The following CYTH3 variants were observed in gnomAD, a reference collection of about 807,000 sequenced individuals.
The protein encoded by CYTH3 is cytohesin 3.
Under a neutral mutation model 55.1 loss-of-function variants are expected in CYTH3, and 23 were observed. The observed-to-expected ratio is 0.42, with a 90% CI of 0.30 to 0.59. The LOEUF is 0.59. CYTH3 is among the 20% of genes least tolerant of loss of function. The probability of loss-of-function intolerance (pLI) is 0.20; values close to 1 mark genes in which losing one functional copy is unlikely to be tolerated. For missense variants in CYTH3, 413 were observed against 524.8 expected (o/e 0.79, Z 2.08); for synonymous variants, 249 against 194.9 (o/e 1.28, Z -2.31).
chr7:6,163,361 G>A lies in CYTH3; in HGVS notation c.*1583C>T, dbSNP rs987704226. ...TGCCCTCCAGAGGGTGCAGATTCAA[G>A]GTGTGTGTGCCTATGCAGGTGGGGC... On this transcript the variant is annotated 3_prime_UTR_variant, in exon 13 of 13. Coordinates refer to ENST00000350796, the MANE Select transcript of CYTH3 (RefSeq NM_004227.4). 3.3e-5 allele frequency: 5 copies of A among 152,572 alleles called. No individual in the cohort carries two copies. The highest frequency in any genetic ancestry group is 1.2e-4 in the African/African-American group (5 of 41,472). The allele number at this position is 152,572 out of a possible 1,614,324, so 9.5% of individuals were successfully genotyped here.
chr7:6,260,015 A>G (rs1182430819), intron 1 of CYTH3, among the ~76,000 whole-genome samples: 2 of 148,676 alleles, frequency 1.3e-5, no homozygotes, highest in Non-Finnish European at 3.0e-5. Flanking sequence ...TTTTTAGTAG[A>G]AACAGGGTTT....
chr7:6,170,805 A>G lies in CYTH3; in HGVS notation c.711+25T>C. 1 of 1,599,640 alleles carries G rather than the reference A, an allele frequency of 6.3e-7. No homozygotes were observed. Among genetic ancestry groups the G allele is most frequent in the Non-Finnish European group, 8.5e-7 (1 of 1,173,094 alleles). ...ACAGCGAAGAGATCCTGCAGACGGC[A>G]GCGGCCGCGGGCCGGGGAGCTCACC... On this transcript the variant is annotated intron_variant, in intron 8 of 12. Transcript: ENST00000350796. This position sits in a 1 kb window ranked among gnomAD's most constrained non-coding sequence, Gnocchi z 7.8.
intron 1 of CYTH3, among the ~76,000 whole-genome samples, chr7:6,202,719 A>C (rs545966931): frequency 1.3e-5 from 2 of 152,178 alleles, no homozygotes; most frequent in African/African-American, 4.8e-5. Context: ...TTGGCCTCCC[A>C]AAGTGCTGGG....
chr7:6,201,232 G>T (rs1784053002), intron 1 of CYTH3, among the ~76,000 whole-genome samples: 1 of 152,206 alleles, frequency 6.6e-6, no homozygotes, highest in Non-Finnish European at 1.5e-5. Context: ...ACATCCAGGT[G>T]GGTAACAGGG....
intron 4 of CYTH3, among the ~76,000 whole-genome samples, 160 bp downstream of exon 4, chr7:6,186,890 C>T (rs1402731191): frequency 6.6e-6 from 1 of 152,228 alleles, no homozygotes. Flanking sequence ...CTTCACCCCA[C>T]TCGCGAAAAG....
At chr7:6,165,872 G>C in intron 9 of CYTH3, 62 bp from the exon 10 acceptor site, 1 of 1,548,014 alleles carries the variant, frequency 6.5e-7, no homozygotes, top group Non-Finnish European at 8.9e-7. Context: ...GGGTCCAAGA[G>C]GGGGCCCTGG....
chr7:6,172,935 T>C, intron 6 of CYTH3: 3 of 1,159,170 alleles, frequency 2.6e-6, no homozygotes, highest in South Asian at 1.6e-5. Context: ...GAGCAAACAG[T>C]CCACGTAAAC....
At chr7:6,191,885 T>C (rs376224559) in intron 1 of CYTH3, among the ~76,000 whole-genome samples, 14 of 152,214 alleles carry the variant, frequency 9.2e-5, no homozygotes, top group Admixed American at 6.5e-4. Flanking sequence ...GAGACCAGCC[T>C]GGGCAATACA....
At chr7:6,259,776 ATATATATAATAT>A (rs1780262435) in intron 1 of CYTH3, among the ~76,000 whole-genome samples, 1 of 19,842 alleles carries the variant, frequency 5.0e-5, no homozygotes, top group Non-Finnish European at 6.5e-5. Flanking sequence ...TATATATTAT[ATATATATAATAT>A]ATATATATAT....
intron 2 of CYTH3, among the ~76,000 whole-genome samples, 176 bp from the exon 3 acceptor site, chr7:6,187,897 C>A (rs1783694943): frequency 6.6e-6 from 1 of 152,170 alleles, no homozygotes; most frequent in Admixed American, 6.5e-5. Context: ...AAAGCCACCA[C>A]AACTTAGGAG....
chr7:6,201,974 A>G, intron 1 of CYTH3, among the ~76,000 whole-genome samples: 1 of 152,236 alleles, frequency 6.6e-6, no homozygotes, highest in Non-Finnish European at 1.5e-5. Flanking sequence ...GGGTGCAGGA[A>G]AAAAAATCCA....
At chr7:6,234,707 G>C (rs1779473019) in intron 1 of CYTH3, among the ~76,000 whole-genome samples, 1 of 152,116 alleles carries the variant, frequency 6.6e-6, no homozygotes, top group Non-Finnish European at 1.5e-5. Flanking sequence ...TGTAGCTCTA[G>C]GGCCCTCCAG....
intron 9 of CYTH3, among the ~76,000 whole-genome samples, chr7:6,168,612 G>A (rs977144425): frequency 2.0e-5 from 3 of 152,224 alleles, no homozygotes; most frequent in Non-Finnish European, 4.4e-5. Flanking sequence ...GGCCACGCCA[G>A]CTGGACCAGC....
At chr7:6,263,591 T>C (rs1377637074) in intron 1 of CYTH3, among the ~76,000 whole-genome samples, 1 of 150,816 alleles carries the variant, frequency 6.6e-6, no homozygotes, top group Non-Finnish European at 1.5e-5. Context: ...AGGTCAGGAG[T>C]TCAAGACCAG....
At chr7:6,257,902 C>T (rs1392752236) in intron 1 of CYTH3, among the ~76,000 whole-genome samples, 1 of 152,046 alleles carries the variant, frequency 6.6e-6, no homozygotes, top group Non-Finnish European at 1.5e-5. Flanking sequence ...CATCTAGAAT[C>T]CCGCTGGTCA....
intron 1 of CYTH3, among the ~76,000 whole-genome samples, chr7:6,265,188 T>G (rs1439824492): frequency 2.0e-5 from 3 of 151,332 alleles, no homozygotes; most frequent in Admixed American, 6.6e-5. Flanking sequence ...ACTAGAGTAG[T>G]AGTCAAGGGC....
chr7:6,268,072 C>T (rs573780775), intron 1 of CYTH3, among the ~76,000 whole-genome samples: 9 of 152,170 alleles, frequency 5.9e-5, no homozygotes, highest in East Asian at 1.9e-4. Flanking sequence ...CCTCCTTTCA[C>T]CTTCCAGGGA....
chr7:6,172,802 G>T (rs1376528879), intron 6 of CYTH3: 2 of 1,281,410 alleles, frequency 1.6e-6, no homozygotes, highest in African/African-American at 3.0e-5. Context: ...GCGGCTGCAG[G>T]ATTCTTATAT....
At position 6,162,008 on chromosome 7, in the gene CYTH3, G is replaced by A. The variant is rs1782835608; in HGVS notation, c.*2936C>T. ...TACCGCAAATAGAAATATTTTCTAA[G>A]AAAAAAAGTCAATTTGTGGTTTCTG... On this transcript the variant is annotated 3_prime_UTR_variant, in exon 13 of 13. Coordinates refer to ENST00000350796, the MANE Select transcript of CYTH3 (RefSeq NM_004227.4). 1 of 152,522 alleles carries A rather than the reference G, an allele frequency of 6.6e-6. No homozygotes were observed. 9.4% of individuals were successfully genotyped at this position (152,522 alleles called of 1,614,324 possible). A position where few individuals can be genotyped will look rare whatever the true frequency, so the allele number is the denominator to read the frequency against.
Sources: gnomAD v4.1 joint callset for allele counts (sites outside exome capture counted in the v4.1 genomes callset) on GRCh38, gnomAD v4.1.1 for gene constraint, Gnocchi (gnomAD v3.1) non-coding constraint, MANE v1.5 for transcripts, NCBI Gene and HGNC (gene_info 2026-07-23, HGNC 2026-07-21) for gene names.